The following RAVER2 variants were observed in gnomAD, a reference collection of about 807,000 sequenced individuals.
The protein encoded by RAVER2 is ribonucleoprotein PTB-binding 2.
In RAVER2, 46 loss-of-function variants were observed where a neutral mutation model predicts 78.1. The observed-to-expected ratio is 0.59, with a 90% CI of 0.46 to 0.75. RAVER2 has a LOEUF of 0.75. RAVER2 is among the 30% of genes least tolerant of loss of function. The pLI is 0.00. For synonymous variants in RAVER2, 311 were observed against 313.3 expected (o/e 0.99, Z 0.08); for missense variants, 793 against 837.5 (o/e 0.95, Z 0.66).
intron 4 of RAVER2, among the ~76,000 whole-genome samples, chr1:64,787,983 G>A (rs191639152): frequency 2.0e-5 from 3 of 152,092 alleles, no homozygotes; most frequent in East Asian, 1.9e-4. Flanking sequence ...GTCCTTGTCC[G>A]TTCTCCATTT....
chr1:64,781,987 T>A (rs530476883), intron 4 of RAVER2, among the ~76,000 whole-genome samples: 96 of 152,294 alleles, frequency 6.3e-4, no homozygotes, highest in Non-Finnish European at 9.8e-4. Context: ...CACTGCAGCC[T>A]CTGCCTCCTG....
chr1:64,832,919 A>AC (rs1308141330), exon 12 of RAVER2: 4 of 151,886 alleles, frequency 2.6e-5, no homozygotes, highest in Non-Finnish European at 5.8e-5. Flanking sequence ...AAGATGGTGA[A>AC]TTTTGCAACA....
At chr1:64,773,373 C>T (rs1652373683) in intron 2 of RAVER2, among the ~76,000 whole-genome samples, 2 of 151,992 alleles carry the variant, frequency 1.3e-5, no homozygotes, top group African/African-American at 4.8e-5. Flanking sequence ...TGTGATGTTC[C>T]CCTCCCTGTG....
intron 2 of RAVER2, among the ~76,000 whole-genome samples, chr1:64,777,039 A>T (rs971946700): frequency 6.6e-6 from 1 of 152,170 alleles, no homozygotes; most frequent in Non-Finnish European, 1.5e-5. Flanking sequence ...CCAAATTAAA[A>T]GTGTCTGTGT....
At chr1:64,812,898 T>C in intron 10 of RAVER2, 49 bp downstream of exon 10, 1 of 1,348,418 alleles carries the variant, frequency 7.4e-7, no homozygotes, top group Non-Finnish European at 1.0e-6. Flanking sequence ...TGAATACTTT[T>C]CATAATAAGT....
chr1:64,803,023 A>C (rs1354386655), exon 6 of RAVER2: 2 of 1,609,360 alleles, frequency 1.2e-6, no homozygotes, highest in Non-Finnish European at 1.7e-6. Context: ...GAATCCATCC[A>C]TCTCTCCTGC....
intron 11 of RAVER2, among the ~76,000 whole-genome samples, chr1:64,828,647 C>T (rs765441156): frequency 2.0e-5 from 3 of 151,116 alleles, no homozygotes; most frequent in South Asian, 2.1e-4. Flanking sequence ...CAGTGAAACC[C>T]GTTTTCTTTT....
chr1:64,789,587 T>C (rs1229352732), intron 5 of RAVER2, 73 bp downstream of exon 5: 6 of 1,219,140 alleles, frequency 4.9e-6, no homozygotes, highest in Non-Finnish European at 6.5e-6. Flanking sequence ...ATGTGAAATA[T>C]GGAAAAATAC....
In RAVER2 at chr1:64,745,365, C is replaced by G; in HGVS notation, c.193C>G (p.Leu65Val). 6.5e-7 allele frequency: 1 copy of G among 1,543,654 alleles called. No homozygotes were observed. Among genetic ancestry groups the G allele is most frequent in the Non-Finnish European group, 8.7e-7 (1 of 1,143,806 alleles). ...GCGACTGCAGCGGATGCAGCGGGAG[C>G]TGAGCAACCGCAGGAAAATCCTGGT... Residue 65 changes from leucine to valine, a missense_variant, in exon 1 of 12, where the codon CTG (leucine) becomes GTG (valine). Leu to Val is a conservative substitution (Grantham distance 32, BLOSUM62 1). Coordinates refer to ENST00000294428, the Ensembl canonical transcript of RAVER2. This position sits in a 1 kb window ranked among gnomAD's most constrained non-coding sequence, Gnocchi z 4.3.
chr1:64,762,957 G>C (rs936582252), intron 1 of RAVER2, among the ~76,000 whole-genome samples: 2 of 152,192 alleles, frequency 1.3e-5, no homozygotes, highest in Non-Finnish European at 2.9e-5. Context: ...CCACAGGCTA[G>C]ATGAGGATAT....
chr1:64,816,530 G>A (rs1365066453), intron 11 of RAVER2: 4 of 152,224 alleles, frequency 2.6e-5, no homozygotes, highest in Admixed American at 1.3e-4. Context: ...GAAAAAGGTG[G>A]TCGTGTATTA....
chr1:64,780,056 A>G lies in RAVER2; in HGVS notation c.787-1324A>G, dbSNP rs542309569. ...TATTATAATTTATACAGGCATGAAG[A>G]TCATTATAATGAAATAGAATAGTAA... On this transcript the variant is annotated intron_variant, in intron 3 of 11. Transcript: ENST00000294428. 3.9e-5 allele frequency among the ~76,000 whole-genome samples: 6 copies of G among 152,170 alleles called. No homozygotes were observed. In the South Asian group the frequency reaches 1.0e-3, roughly 26 times the overall value.
intron 5 of RAVER2, among the ~76,000 whole-genome samples, chr1:64,789,783 T>C (rs1285832360): frequency 6.6e-6 from 1 of 152,178 alleles, no homozygotes; most frequent in African/African-American, 2.4e-5. Context: ...AGCTCTTAGT[T>C]GACATGAATT....
chr1:64,760,041 T>C (rs964064767), intron 1 of RAVER2, among the ~76,000 whole-genome samples: 2 of 151,082 alleles, frequency 1.3e-5, no homozygotes, highest in Admixed American at 6.6e-5. Flanking sequence ...TACAATCTTA[T>C]GAAAATTATA....
At chr1:64,748,303 CG>C (rs1302580665) in intron 1 of RAVER2, among the ~76,000 whole-genome samples, 1 of 152,206 alleles carries the variant, frequency 6.6e-6, no homozygotes, top group African/African-American at 2.4e-5. Context: ...AAGTCCTTTT[CG>C]TCTCTTGTTC....
exon 9 of RAVER2, chr1:64,807,423 A>G: frequency 6.2e-7 from 1 of 1,614,142 alleles, no homozygotes; most frequent in South Asian, 1.1e-5. Context: ...TGCTGGTGGG[A>G]CACCATAAGC....
At chr1:64,789,348 T>TA (rs755086448) in intron 4 of RAVER2, 40 bp from the exon 5 acceptor site, 1 of 1,523,644 alleles carries the variant, frequency 6.6e-7, no homozygotes, top group South Asian at 1.3e-5. Flanking sequence ...TCTTTGTACT[T>TA]ATGCTGTTCT....
chr1:64,794,211 C>T (rs753166189), intron 5 of RAVER2, among the ~76,000 whole-genome samples: 1 of 151,722 alleles, frequency 6.6e-6, no homozygotes, highest in Non-Finnish European at 1.5e-5. Context: ...GAGATTGAGA[C>T]CACGGTGAAA....
intron 3 of RAVER2, among the ~76,000 whole-genome samples, chr1:64,780,938 T>G (rs1652608586): frequency 6.6e-6 from 1 of 152,218 alleles, no homozygotes; most frequent in Non-Finnish European, 1.5e-5. Context: ...AAATGAAATA[T>G]TCCTCCTACC....
Sources: allele counts gnomAD v4.1 joint callset (sites outside exome capture counted in the v4.1 genomes callset), GRCh38; gene constraint gnomAD v4.1.1; non-coding constraint Gnocchi (gnomAD v3.1); transcripts MANE v1.5; gene names NCBI Gene and HGNC (gene_info 2026-07-23, HGNC 2026-07-21).